The following CRLF3 variants were observed in gnomAD, a reference collection of about 807,000 sequenced individuals.
CRLF3 encodes cytokine receptor-like factor 3.
CRLF3 carries 33 observed loss-of-function variants against 55.0 expected under a neutral mutation model. The ratio of observed to expected loss-of-function variants is 0.60; its 90% CI spans 0.46 to 0.80. The LOEUF (loss-of-function observed/expected upper bound fraction) is 0.80. Ranked by LOEUF, CRLF3 falls within the 30% of genes least tolerant of loss-of-function variation. CRLF3 has a pLI of 0.00. For synonymous variants in CRLF3, 238 were observed against 196.8 expected (o/e 1.21, Z -1.75); for missense variants, 494 against 538.4 (o/e 0.92, Z 0.82).
intron 2 of CRLF3, among the ~76,000 whole-genome samples, chr17:30,798,153 G>A (rs1971953324): frequency 1.3e-5 from 2 of 152,082 alleles, no homozygotes; most frequent in African/African-American, 4.8e-5. Context: ...GCGGAGGCAG[G>A]TGGATCACGA....
At chr17:30,787,497 C>T (rs1038744273) in intron 6 of CRLF3, 3 of 150,974 alleles carry the variant, frequency 2.0e-5, no homozygotes, top group Admixed American at 1.3e-4. Flanking sequence ...TTGCCAGACA[C>T]ATCATTCTCT....
chr17:30,792,522 CTA>C lies in CRLF3; in HGVS notation c.875_876del (p.Ile292SerfsTer7). The C allele has an allele frequency of 6.2e-7, 1 of 1,612,732 alleles. No homozygotes were observed. The highest frequency in any genetic ancestry group is 8.5e-7 in the Non-Finnish European group (1 of 1,178,832). ...EGYSLSSRRN[I>X]ALRNDSESSG... ...GATGATTCAGAATCGTTCCGAAGTG[CTA>C]TATTTCTTCGACTGCTCAGACTGTA... On this transcript the variant is annotated frameshift_variant, in exon 6 of 8. Transcript: ENST00000324238. LOFTEE classifies it high-confidence loss of function.
At chr17:30,799,291 TAATTA>T (rs1567663517) in intron 2 of CRLF3, among the ~76,000 whole-genome samples, 2 of 152,116 alleles carry the variant, frequency 1.3e-5, no homozygotes, top group Non-Finnish European at 2.9e-5. Flanking sequence ...ATAAGTTAAT[TAATTA>T]AATTAAATTT....
rs896590224 is a variant in CRLF3, at chr17:30,782,801, T to C, written c.*1386A>G. ...TACTACTTATATATAAAAAGACAAG[T>C]AGAAAAGGTCATGATTGTCTAACAG... On this transcript the variant is annotated 3_prime_UTR_variant, in exon 8 of 8. Coordinates refer to ENST00000324238, the MANE Select transcript of CRLF3 (RefSeq NM_015986.4). 6.6e-6 allele frequency: 1 copy of C among 152,098 alleles called. No individual in the cohort carries two copies. The highest frequency in any genetic ancestry group is 1.5e-5 in the Non-Finnish European group (1 of 68,014). 9.4% of individuals were successfully genotyped at this position (152,098 alleles called of 1,614,324 possible).
intron 1 of CRLF3, among the ~76,000 whole-genome samples, chr17:30,814,261 AAAT>A (rs2033434287): frequency 6.6e-6 from 1 of 151,540 alleles, no homozygotes; most frequent in Non-Finnish European, 1.5e-5. Flanking sequence ...CGTCTCGAAA[AAAT>A]AATAATAATA....
Position 30,784,058 on chromosome 17 carries a change from A to G in CRLF3, c.*129T>C. The stretch of plus-strand genomic sequence containing the variant: ...TTTTTGCTAAAATATTACAAAATGA[A>G]TCCAGTAAACACTTTCCAATGGCCT... On this transcript the variant is annotated 3_prime_UTR_variant, in exon 8 of 8. Coordinates refer to ENST00000324238, the MANE Select transcript of CRLF3 (RefSeq NM_015986.4). The G allele has an allele frequency of 1.3e-6, 1 of 753,786 alleles. No homozygotes were observed. The highest frequency in any genetic ancestry group is 2.1e-5 in the South Asian group (1 of 48,282). The allele number at this position is 753,786 out of a possible 1,614,324, so 46.7% of individuals were successfully genotyped here.
At chr17:30,822,380 C>A (rs146440394) in intron 1 of CRLF3, among the ~76,000 whole-genome samples, 6 of 152,266 alleles carry the variant, frequency 3.9e-5, no homozygotes, top group Non-Finnish European at 7.4e-5. Flanking sequence ...GAGTTAGCTT[C>A]GAGAGATGCT....
chr17:30,793,274 C>G (rs1017330303), intron 5 of CRLF3, among the ~76,000 whole-genome samples, 176 bp downstream of exon 5: 3 of 152,020 alleles, frequency 2.0e-5, no homozygotes, highest in Non-Finnish European at 4.4e-5. Flanking sequence ...CTCTGAAGAA[C>G]TGATGAAAAC....
intron 1 of CRLF3, among the ~76,000 whole-genome samples, chr17:30,822,062 CAAAAAAAA>C (rs576859607): frequency 1.1e-4 from 6 of 56,094 alleles, no homozygotes; most frequent in East Asian, 4.8e-4. Context: ...GCACCCCCGC[CAAAAAAAA>C]AAAAAAAAAA....
rs999945917 is a variant in CRLF3, at chr17:30,802,307, G to A, written c.337+1594C>T. On this transcript the variant is annotated intron_variant, in intron 2 of 7. Transcript: ENST00000324238. Reference sequence around the variant, plus strand: ...CCGGCTATTTTTGTATTTTTAGTAGGGACGGGGTTTCACCATGTTGGCCAG... The same window carrying A: ...CCGGCTATTTTTGTATTTTTAGTAGAGACGGGGTTTCACCATGTTGGCCAG... Among the ~76,000 whole-genome samples the A allele has an allele frequency of 7.9e-5, 12 of 151,852 alleles. No homozygotes were observed. In the East Asian group the frequency reaches 2.1e-3, roughly 27 times the overall value.
At chr17:30,818,028 G>A (rs186007023) in intron 1 of CRLF3, among the ~76,000 whole-genome samples, 2 of 151,872 alleles carry the variant, frequency 1.3e-5, no homozygotes, top group East Asian at 1.9e-4. Flanking sequence ...TTGGGAGGCC[G>A]AGATGCGCGG....
intron 1 of CRLF3, among the ~76,000 whole-genome samples, chr17:30,808,579 C>T (rs776706865): frequency 1.3e-4 from 19 of 151,112 alleles, no homozygotes; most frequent in Admixed American, 6.6e-4. Flanking sequence ...TGAGCCAACG[C>T]GCCCAGCCAA....
chr17:30,796,862 TTACA>T (rs1233129862), intron 3 of CRLF3, among the ~76,000 whole-genome samples: 1 of 151,886 alleles, frequency 6.6e-6, no homozygotes, highest in Non-Finnish European at 1.5e-5. Context: ...TAGCTGGGAC[TTACA>T]GGCGCACGCC....
chr17:30,808,625 C>T lies in CRLF3; in HGVS notation c.130-4517G>A, dbSNP rs564316240. ...ATATATATTTTTTTTTTGAGTCTTG[C>T]TCTGTCGCCCAGGCTGGAGTGCAGT... On this transcript the variant is annotated intron_variant, in intron 1 of 7. Coordinates refer to ENST00000324238, the MANE Select transcript of CRLF3 (RefSeq NM_015986.4). Among the ~76,000 whole-genome samples the T allele has an allele frequency of 4.1e-5, 6 of 147,212 alleles. No individual in the cohort carries two copies. The South Asian group carries it at 8.6e-4, about 21-fold the overall frequency.
chr17:30,787,990 A>C (rs1388010841), intron 6 of CRLF3, among the ~76,000 whole-genome samples: 3 of 150,732 alleles, frequency 2.0e-5, no homozygotes, highest in African/African-American at 2.4e-5. Flanking sequence ...ACAGAGCGAG[A>C]CCTTGTCTTA....
At chr17:30,819,470 T>C (rs138744193) in intron 1 of CRLF3, among the ~76,000 whole-genome samples, 1 of 152,266 alleles carries the variant, frequency 6.6e-6, no homozygotes, top group African/African-American at 2.4e-5. Context: ...TTTTGATCAG[T>C]TATCTCTACT....
chr17:30,791,633 T>C (rs2142248923), intron 6 of CRLF3, among the ~76,000 whole-genome samples: 1 of 151,436 alleles, frequency 6.6e-6, no homozygotes, highest in South Asian at 2.1e-4. Flanking sequence ...TTCTCCTGCC[T>C]CAGCCTCCCG....
At chr17:30,819,656 T>G (rs1055050564) in intron 1 of CRLF3, among the ~76,000 whole-genome samples, 2 of 152,170 alleles carry the variant, frequency 1.3e-5, no homozygotes, top group Admixed American at 1.3e-4. Context: ...TTGTATTTTT[T>G]TAGTAGAGAC....
intron 6 of CRLF3, among the ~76,000 whole-genome samples, chr17:30,791,221 C>G (rs1315760100): frequency 6.6e-6 from 1 of 152,040 alleles, no homozygotes; most frequent in Non-Finnish European, 1.5e-5. Context: ...CAGGTGTGCA[C>G]TACCACATCC....
Sources: gnomAD v4.1 joint callset for allele counts (sites outside exome capture counted in the v4.1 genomes callset) on GRCh38, gnomAD v4.1.1 for gene constraint, MANE v1.5 for transcripts, NCBI Gene and HGNC (gene_info 2026-07-23, HGNC 2026-07-21) for gene names.